GPC5: variants seen among roughly 807,000 people sequenced by gnomAD.
GPC5 encodes glypican-5.
A neutral mutation model predicts 53.9 loss-of-function variants in GPC5; 47 were observed. The ratio of observed to expected loss-of-function variants is 0.87; its 90% confidence interval spans 0.69 to 1.11. The LOEUF (loss-of-function observed/expected upper bound fraction) is 1.11. Among genes scored for constraint, GPC5 ranks in the 50% most tolerant of loss-of-function variants. The pLI, the probability that GPC5 is intolerant of heterozygous loss-of-function variation, is 0.00. For synonymous variants in GPC5, 286 were observed against 263.3 expected, an observed-to-expected ratio of 1.09 and a Z score of -0.84; for missense variants, 748 against 713.1, an observed-to-expected ratio of 1.05 and a Z score of -0.56.
intron 2 of GPC5, among the ~76,000 whole-genome samples, chr13:91,519,098 T>C (rs879881499): frequency 1.3e-5 from 2 of 152,200 alleles, no homozygotes; most frequent in Non-Finnish European, 2.9e-5. Flanking sequence ...TATTTATTTG[T>C]TTCCTTTTTT....
At position 92,615,467 on chromosome 13, in the gene GPC5, C is replaced by T. The variant is rs1389604313; in HGVS notation, c.1562-250815C>T. 3.9e-5 allele frequency among the ~76,000 whole-genome samples: 6 copies of T among 152,148 alleles called. No individual in the cohort carries two copies. In the East Asian group the frequency reaches 5.8e-4, roughly 15 times the overall value. On this transcript the variant is annotated intron_variant, in intron 7 of 7. Coordinates refer to ENST00000377067, the MANE Select transcript of GPC5 (RefSeq NM_004466.6). Reference sequence around the variant, plus strand: ...TACTGGGAGGGAACATACACAGTGACGACAAAAGGAGCTTGCCCTTGGAAT... The same window carrying T: ...TACTGGGAGGGAACATACACAGTGATGACAAAAGGAGCTTGCCCTTGGAAT...
At chr13:91,493,834 C>T (rs1467278098) in intron 2 of GPC5, among the ~76,000 whole-genome samples, 1 of 151,786 alleles carries the variant, frequency 6.6e-6, no homozygotes, top group Non-Finnish European at 1.5e-5. Flanking sequence ...ACGATTCTAC[C>T]CTCATGTTTA....
intron 6 of GPC5, among the ~76,000 whole-genome samples, chr13:92,135,938 G>A (rs1189111930): frequency 6.6e-6 from 1 of 152,178 alleles, no homozygotes; most frequent in East Asian, 1.9e-4. Context: ...AAGATTTGTG[G>A]TATTTGGGTT....
chr13:92,245,544 A>G (rs1343607448), intron 7 of GPC5, among the ~76,000 whole-genome samples: 9 of 152,178 alleles, frequency 5.9e-5, no homozygotes, highest in Admixed American at 2.6e-4. Context: ...GATTAAATAA[A>G]CATGTCTGAA....
At chr13:92,598,315 C>T (rs1226745880) in intron 7 of GPC5, among the ~76,000 whole-genome samples, 1 of 152,084 alleles carries the variant, frequency 6.6e-6, no homozygotes, top group East Asian at 1.9e-4. Context: ...TGGACTGTAG[C>T]AGAATATGTT....
At chr13:92,374,887 A>C (rs536541943) in intron 7 of GPC5, among the ~76,000 whole-genome samples, 2 of 151,972 alleles carry the variant, frequency 1.3e-5, no homozygotes, top group African/African-American at 4.8e-5. Context: ...AAATAAAAAA[A>C]AAAGTAAAAT....
At chr13:92,489,951 G>A (rs1879700035) in intron 7 of GPC5, among the ~76,000 whole-genome samples, 1 of 151,628 alleles carries the variant, frequency 6.6e-6, no homozygotes, top group Non-Finnish European at 1.5e-5. Flanking sequence ...TGATTCTGTG[G>A]AACTTCATTA....
At chr13:92,640,479 C>T (rs1447414706) in intron 7 of GPC5, among the ~76,000 whole-genome samples, 2 of 152,132 alleles carry the variant, frequency 1.3e-5, no homozygotes, top group Non-Finnish European at 2.9e-5. Flanking sequence ...CCAGGATGGT[C>T]TCAGTCTCCT....
In GPC5 at chr13:92,538,443, T is replaced by TTTTC. The variant is rs1216580335; in HGVS notation, c.1562-327819_1562-327816dup. On this transcript the variant is annotated intron_variant, in intron 7 of 7. Transcript: ENST00000377067. Reference sequence around the variant, plus strand: ...CTCTTCCTCCTTTTTCCCATTTCTTTTTTCTTTCTTTCTTTCTTTCTTTTT... The same window carrying TTTTC: ...CTCTTCCTCCTTTTTCCCATTTCTTTTTTCTTTCTTTCTTTCTTTCTTTCTTTTT... 3.7e-4 allele frequency among the ~76,000 whole-genome samples: 56 copies of TTTTC among 151,322 alleles called. No homozygotes were observed. The Middle Eastern group carries it at 0.01, about 28-fold the overall frequency.
At chr13:91,935,550 T>C (rs1337295910) in intron 6 of GPC5, among the ~76,000 whole-genome samples, 1 of 151,888 alleles carries the variant, frequency 6.6e-6, no homozygotes, top group Non-Finnish European at 1.5e-5. Flanking sequence ...AAAGAAATGA[T>C]ATTTTTTGTG....
At chr13:91,862,630 A>G (rs2039042498) in intron 5 of GPC5, among the ~76,000 whole-genome samples, 1 of 152,152 alleles carries the variant, frequency 6.6e-6, no homozygotes, top group Non-Finnish European at 1.5e-5. Context: ...ACACATATAG[A>G]TGATTCTATA....
chr13:92,590,396 T>C (rs1414948450), intron 7 of GPC5, among the ~76,000 whole-genome samples: 2 of 152,082 alleles, frequency 1.3e-5, no homozygotes, highest in Non-Finnish European at 2.9e-5. Flanking sequence ...CAAAACCCGT[T>C]CCTATGCAGC....
chr13:92,552,924 C>T (rs1480382285), intron 7 of GPC5, among the ~76,000 whole-genome samples: 1 of 151,788 alleles, frequency 6.6e-6, no homozygotes, highest in Non-Finnish European at 1.5e-5. Flanking sequence ...ACTTTCTTTT[C>T]TTCTCACTTT....
intron 7 of GPC5, among the ~76,000 whole-genome samples, chr13:92,546,115 G>T (rs2087868547): frequency 6.6e-6 from 1 of 152,084 alleles, no homozygotes; most frequent in Admixed American, 6.6e-5. Context: ...AGACAGGGAT[G>T]CTCTCTCTCA....
chr13:92,653,535 TAGAA>T (rs1355860800), intron 7 of GPC5, among the ~76,000 whole-genome samples: 2 of 152,134 alleles, frequency 1.3e-5, no homozygotes, highest in Non-Finnish European at 2.9e-5. Context: ...CTTTAGGAAA[TAGAA>T]AGCATATTCA....
chr13:92,426,900 A>T (rs1441416918), intron 7 of GPC5, among the ~76,000 whole-genome samples: 1 of 152,072 alleles, frequency 6.6e-6, no homozygotes, highest in Non-Finnish European at 1.5e-5. Flanking sequence ...CTGTGAAAAC[A>T]AGAAGAAAAA....
intron 3 of GPC5, among the ~76,000 whole-genome samples, chr13:91,706,183 C>T (rs971124197): frequency 9.3e-5 from 14 of 151,180 alleles, no homozygotes; most frequent in Admixed American, 7.2e-4. Flanking sequence ...CTGGCCCTAG[C>T]TACATGTAAT....
At chr13:92,522,906 G>A (rs771768645) in intron 7 of GPC5, among the ~76,000 whole-genome samples, 2 of 151,970 alleles carry the variant, frequency 1.3e-5, no homozygotes, top group Admixed American at 6.6e-5. Context: ...GAGAAAATAC[G>A]TTTTTCAAAA....
At chr13:92,283,063 TG>T (rs1260965167) in intron 7 of GPC5, among the ~76,000 whole-genome samples, 1 of 151,890 alleles carries the variant, frequency 6.6e-6, no homozygotes, top group African/African-American at 2.4e-5. Context: ...ACCAAGCAAA[TG>T]GAAAACCAAA....
Sources: gnomAD v4.1 joint callset for allele counts (sites outside exome capture counted in the v4.1 genomes callset) on GRCh38, gnomAD v4.1.1 for gene constraint, MANE v1.5 for transcripts, NCBI Gene and HGNC (gene_info 2026-07-23, HGNC 2026-07-21) for gene names.